Variants in DYNC2H1 observed in about 807,000 individuals in gnomAD.
DYNC2H1 encodes cytoplasmic dynein 2 heavy chain 1.
A neutral mutation model predicts 570.0 loss-of-function variants in DYNC2H1; 410 were observed. The ratio of observed to expected loss-of-function variants is 0.72; its 90% CI spans 0.66 to 0.78. The LOEUF (loss-of-function observed/expected upper bound fraction) is 0.78. Ranked by LOEUF, DYNC2H1 falls within the 30% of genes least tolerant of loss-of-function variation. The pLI, the probability that DYNC2H1 is intolerant of heterozygous loss-of-function variation, is 0.00. For missense variants in DYNC2H1, 4,865 were observed against 5,046.4 expected (o/e 0.96, Z 1.09); for synonymous variants, 1,688 against 1,677.6 (o/e 1.01, Z -0.15).
intron 83 of DYNC2H1, among the ~76,000 whole-genome samples, chr11:103,365,312 G>C (rs1018525474): frequency 1.3e-5 from 2 of 151,314 alleles, no homozygotes; most frequent in African/African-American, 4.9e-5. Context: ...AGTGAGCCAA[G>C]ATCGCACCAT....
At chr11:103,352,005 T>C (rs561932333) in intron 82 of DYNC2H1, among the ~76,000 whole-genome samples, 2 of 152,154 alleles carry the variant, frequency 1.3e-5, no homozygotes, top group African/African-American at 4.8e-5. Flanking sequence ...AATTTCTCTA[T>C]TAGCCAAATT....
chr11:103,356,108 TAATG>T (rs1249910650), intron 82 of DYNC2H1, among the ~76,000 whole-genome samples: 1 of 152,180 alleles, frequency 6.6e-6, no homozygotes, highest in African/African-American at 2.4e-5. Context: ...AATATGTTGT[TAATG>T]AATTAAATTT....
chr11:103,357,034 CAGTG>C (rs1485808634), intron 82 of DYNC2H1, among the ~76,000 whole-genome samples: 2 of 151,926 alleles, frequency 1.3e-5, no homozygotes, highest in African/African-American at 2.4e-5. Context: ...TTTAGACAAA[CAGTG>C]AGATAGCACA....
At position 103,171,051 on chromosome 11, in the gene DYNC2H1, G is replaced by T; in HGVS notation, c.5317G>T (p.Glu1773Ter). Reference protein sequence around the residue: ...DALKNHRTVCELLGKEVEVNS... With the variant: ...DALKNHRTVC ...TTTGAAGAATCATAGAACTGTATGT[G>T]AACTGCTTGGCAAGGAGGTATAGAA... The change falls in exon 34 of 89, where the codon GAA (glutamate) becomes TAA (stop). Residue 1773 changes from glutamate (E) to a stop codon, truncating the protein, a stop_gained. Transcript: ENST00000375735. LOFTEE classifies it high-confidence loss of function. The T allele has an allele frequency of 6.3e-7, 1 of 1,599,378 alleles. No homozygotes were observed.
At position 103,334,139 on chromosome 11, in the gene DYNC2H1, A is replaced by G. The variant is rs1438752351; in HGVS notation, c.12039+10149A>G. Reference sequence around the variant, plus strand: ...CTTTACCTTTGAAAATATCCTTACTAATTTAATGATTTGAATGAAATCGAG... The same window carrying G: ...CTTTACCTTTGAAAATATCCTTACTGATTTAATGATTTGAATGAAATCGAG... On this transcript the variant is annotated intron_variant, in intron 82 of 88. Transcript: ENST00000375735. The surrounding 1 kb of genome is among the most constrained non-coding windows in gnomAD (Gnocchi z 4.3). Among the ~76,000 whole-genome samples, 3 of 152,196 alleles carry G rather than the reference A, an allele frequency of 2.0e-5. No individual in the cohort carries two copies. The highest frequency in any genetic ancestry group is 4.4e-5 in the Non-Finnish European group (3 of 68,018).
chr11:103,231,622 T>C (rs985166522), intron 60 of DYNC2H1, among the ~76,000 whole-genome samples: 14 of 152,042 alleles, frequency 9.2e-5, no homozygotes, highest in Non-Finnish European at 1.6e-4. Flanking sequence ...GCCTTTCATG[T>C]ATCCCATTTA....
At chr11:103,174,897 G>T (rs1861733702) in intron 36 of DYNC2H1, among the ~76,000 whole-genome samples, 1 of 117,300 alleles carries the variant, frequency 8.5e-6, no homozygotes, top group African/African-American at 3.3e-5. Flanking sequence ...TCTCAGAGTG[G>T]CAAGGAAAGG....
chr11:103,250,160 T>C (rs627682), intron 65 of DYNC2H1, among the ~76,000 whole-genome samples: 36,992 of 151,808 alleles, frequency 0.24, 5,036 homozygotes, highest in African/African-American at 0.38. Context: ...TTTTTTTAGG[T>C]GATTGTTTTA....
At chr11:103,384,396 A>G (rs561384697) in intron 83 of DYNC2H1, among the ~76,000 whole-genome samples, 2 of 152,152 alleles carry the variant, frequency 1.3e-5, no homozygotes, top group Admixed American at 6.5e-5. Context: ...GAGTTTTTCT[A>G]TGGGTGCCTC....
At position 103,113,726 on chromosome 11, in the gene DYNC2H1, AT is replaced by A. The variant is rs749527696; in HGVS notation, c.366+27del. The A allele has an allele frequency of 1.0e-4, 148 of 1,484,668 alleles. No homozygotes were observed. The highest frequency in any genetic ancestry group is 3.0e-4 in the South Asian group (20 of 66,966). The allele number at this position is 1,484,668 out of a possible 1,614,324, so 92.0% of individuals were successfully genotyped here. A position where few individuals can be genotyped will look rare whatever the true frequency, so the allele number is the denominator to read the frequency against. On this transcript the variant is annotated intron_variant, in intron 2 of 88. Coordinates refer to ENST00000375735, the MANE Select transcript of DYNC2H1 (RefSeq NM_001377.3). The stretch of plus-strand genomic sequence containing the variant: ...GTTAAAGGTGAGAAAAGAAGCTGTC[AT>A]TTTTTTTAACTGAGGTATTTGGATA...
chr11:103,169,985 G>A (rs1191919612), intron 32 of DYNC2H1, 123 bp from the exon 33 acceptor site: 1 of 898,876 alleles, frequency 1.1e-6, no homozygotes, highest in African/African-American at 1.8e-5. Flanking sequence ...ATATTTTTCT[G>A]TGTTAAAAAC....
chr11:103,224,415 T>TC (rs199841350), intron 59 of DYNC2H1, among the ~76,000 whole-genome samples: 4 of 19,448 alleles, frequency 2.1e-4, no homozygotes, highest in Non-Finnish European at 4.2e-4. Flanking sequence ...CCCTGCCCTT[T>TC]CCCGAGTCTC....
chr11:103,155,379 G>C lies in DYNC2H1; in HGVS notation c.3622G>C (p.Asp1208His). The C allele has an allele frequency of 6.2e-7, 1 of 1,610,920 alleles. No homozygotes were observed. The highest frequency in any genetic ancestry group is 1.1e-5 in the South Asian group (1 of 90,436). Residue 1208 changes from aspartate to histidine, a missense_variant, in exon 25 of 89, where the codon GAT becomes CAT. This residue lies in a region of DYNC2H1 where 1,936 missense variants were observed against 1,962.1 expected (regional missense o/e 0.99). Coordinates refer to ENST00000375735, the MANE Select transcript of DYNC2H1 (RefSeq NM_001377.3). ...KYVRGEHLSPDHWLDLFRLLG... is the reference protein window; with the variant it reads ...KYVRGEHLSPHHWLDLFRLLG... Reference sequence around the variant, plus strand: ...TGTGAGAGGGGAGCATCTTTCTCCAGATCACTGGCTTGACCTTTTTCGTCT... The same window carrying C: ...TGTGAGAGGGGAGCATCTTTCTCCACATCACTGGCTTGACCTTTTTCGTCT...
In DYNC2H1 at chr11:103,257,621, A is replaced by T; in HGVS notation, c.10475A>T (p.Tyr3492Phe). The change falls in exon 69 of 89, where the codon TAT (tyrosine) becomes TTT (phenylalanine). Residue 3492 changes from tyrosine (Y) to phenylalanine (F), a missense_variant. Transcript: ENST00000375735. ...QISLDQERDA[Y>F]LPLAESASKM... ...CTTGATCCATAGGAACGGGATGCCT[A>T]TCTCCCCCTGGCTGAGAGTGCCAGC... 2.5e-6 allele frequency: 4 copies of T among 1,611,078 alleles called. No homozygotes were observed. The highest frequency in any genetic ancestry group is 3.4e-6 in the Non-Finnish European group (4 of 1,178,180).
chr11:103,399,871 A>G lies in DYNC2H1; in HGVS notation c.12365A>G (p.Lys4122Arg), dbSNP rs1380013287. 1 of 1,611,192 alleles carries G rather than the reference A, an allele frequency of 6.2e-7. No individual in the cohort carries two copies. Among genetic ancestry groups the G allele is most frequent in the East Asian group, 2.2e-5 (1 of 44,826 alleles). The change falls in exon 84 of 89, where the codon AAG becomes AGG. Residue 4122 changes from lysine (K) to arginine (R), a missense_variant and splice_region_variant. Lys to Arg is a conservative substitution (Grantham distance 26, BLOSUM62 2). Around this residue, in one of 5 missense-constraint regions of DYNC2H1, gnomAD observed 2,401 missense variants for 2,454.6 expected, o/e 0.98. Coordinates refer to ENST00000375735, the MANE Select transcript of DYNC2H1 (RefSeq NM_001377.3). ...QKLASALLNQ[K>R]CPLAWQSKWE... ...TTGGCAAGTGCTTTATTAAACCAAAAGGTAAGCGAGTACTAACTGTATGTA... is the reference window on the plus strand; with the variant it reads ...TTGGCAAGTGCTTTATTAAACCAAAGGGTAAGCGAGTACTAACTGTATGTA...
Position 103,176,244 on chromosome 11 carries a change from G to T in DYNC2H1, c.5684G>T (p.Ser1895Ile). The change falls in exon 37 of 89, where the codon AGT (serine) becomes ATT (isoleucine). Residue 1895 changes from serine (S) to isoleucine (I), a missense_variant. Transcript: ENST00000375735. Reference protein sequence around the residue: ...KSGTTQNANESHIVVQALRLN... With the variant: ...KSGTTQNANEIHIVVQALRLN... ...TGAAACTTTTTTCTAGCTAATGAAA[G>T]TCATATTGTGGTACAAGCACTGAGG... 2 of 1,491,124 alleles carry T rather than the reference G, an allele frequency of 1.3e-6. No individual in the cohort carries two copies. Among genetic ancestry groups the T allele is most frequent in the Non-Finnish European group, 1.8e-6 (2 of 1,125,642 alleles). 92.4% of individuals were successfully genotyped at this position (1,491,124 alleles called of 1,614,324 possible). A position where few individuals can be genotyped will look rare whatever the true frequency, so the allele number is the denominator to read the frequency against.
In DYNC2H1 at chr11:103,154,677, GT is replaced by G; in HGVS notation, c.3459-13del. 6.4e-7 allele frequency: 1 copy of G among 1,565,550 alleles called. No homozygotes were observed. The highest frequency in any genetic ancestry group is 1.2e-5 in the South Asian group (1 of 83,136). On this transcript the variant is annotated splice_polypyrimidine_tract_variant and intron_variant, in intron 23 of 88. Transcript: ENST00000375735. ...TTTTTGGATGTAATCTTTGCAATGT[GT>G]TTTTGGTATTTTATAGGACTAAGAC...
chr11:103,369,656 T>A lies in DYNC2H1; in HGVS notation c.12156+11297T>A, dbSNP rs2135551131. On this transcript the variant is annotated intron_variant, in intron 83 of 88. Transcript: ENST00000375735. This position sits in a 1 kb window ranked among gnomAD's most constrained non-coding sequence, Gnocchi z 4.0. ...AACAGGATAGGGAACCAGTCAAAGTTGTGAGCCCTTTTTCTAGGCCCTAGC... is the reference window on the plus strand; with the variant it reads ...AACAGGATAGGGAACCAGTCAAAGTAGTGAGCCCTTTTTCTAGGCCCTAGC... 6.6e-6 allele frequency among the ~76,000 whole-genome samples: 1 copy of A among 152,302 alleles called. No individual in the cohort carries two copies. The highest frequency in any genetic ancestry group is 6.5e-5 in the Admixed American group (1 of 15,294).
intron 70 of DYNC2H1, among the ~76,000 whole-genome samples, chr11:103,274,579 CTCA>C (rs1255457500): frequency 1.3e-5 from 2 of 152,082 alleles, no homozygotes; most frequent in Non-Finnish European, 2.9e-5. Flanking sequence ...GCTTCTCCAG[CTCA>C]TCATTATTTA....
Sources: allele counts gnomAD v4.1 joint callset (sites outside exome capture counted in the v4.1 genomes callset), GRCh38; gene constraint gnomAD v4.1.1; regional missense constraint gnomAD v4.1.1; non-coding constraint Gnocchi (gnomAD v3.1); transcripts MANE v1.5; gene names NCBI Gene and HGNC (gene_info 2026-07-23, HGNC 2026-07-21).